Variants in NPAS2 observed in about 807,000 individuals in gnomAD.
NPAS2 encodes the protein neuronal PAS domain-containing protein 2.
Under a neutral mutation model 107.5 loss-of-function variants are expected in NPAS2, and 23 were observed. The ratio of observed to expected loss-of-function variants is 0.21; its 90% CI spans 0.15 to 0.30. The LOEUF is 0.30. NPAS2 is among the 10% of genes least tolerant of loss of function. The pLI is 1.00. For synonymous variants in NPAS2, 403 were observed against 417.5 expected, an observed-to-expected ratio of 0.97 and a Z score of 0.42; for missense variants, 756 against 1,043.3, an observed-to-expected ratio of 0.72 and a Z score of 3.79.
intron 5 of NPAS2, among the ~76,000 whole-genome samples, chr2:100,938,114 A>G (rs1050808493): frequency 6.6e-6 from 1 of 152,228 alleles, no homozygotes; most frequent in Admixed American, 6.5e-5. Flanking sequence ...TTTCTGGGTC[A>G]GAAATGGGGA....
chr2:100,957,884 C>T (rs1156853308), intron 7 of NPAS2, among the ~76,000 whole-genome samples: 2 of 152,078 alleles, frequency 1.3e-5, no homozygotes, highest in African/African-American at 2.4e-5. Flanking sequence ...GCTGAGATCG[C>T]GCCACTGCAC....
chr2:100,944,328 C>G (rs932762971), intron 5 of NPAS2, among the ~76,000 whole-genome samples: 3 of 152,184 alleles, frequency 2.0e-5, no homozygotes, highest in African/African-American at 7.2e-5. Flanking sequence ...CAGCCTACTT[C>G]CAGCTCAGCC....
At chr2:100,824,180 C>T (rs767247064) in intron 1 of NPAS2, among the ~76,000 whole-genome samples, 11 of 152,254 alleles carry the variant, frequency 7.2e-5, no homozygotes, top group Admixed American at 5.2e-4. Flanking sequence ...TGTAGTTCAC[C>T]AATTAGAGAT....
intron 1 of NPAS2, among the ~76,000 whole-genome samples, chr2:100,896,195 A>G (rs941893593): frequency 3.3e-5 from 5 of 152,156 alleles, no homozygotes; most frequent in African/African-American, 1.2e-4. Flanking sequence ...GGTGGGTGTT[A>G]GCTGCATTGT....
intron 15 of NPAS2, among the ~76,000 whole-genome samples, chr2:100,981,457 T>C (rs1677433436): frequency 6.6e-6 from 1 of 152,224 alleles, no homozygotes; most frequent in South Asian, 2.1e-4. Context: ...GAGCCTGTGT[T>C]GAGGGAGACG....
chr2:100,899,019 A>G (rs369874669), intron 1 of NPAS2, among the ~76,000 whole-genome samples: 26 of 152,260 alleles, frequency 1.7e-4, no homozygotes, highest in East Asian at 7.7e-4. Flanking sequence ...TGAGAAAAAC[A>G]TCAGACAAAC....
In NPAS2 at chr2:100,968,775, C is replaced by A. The variant is rs1354315705; in HGVS notation, c.1055+347C>A. Among the ~76,000 whole-genome samples, 4 of 152,236 alleles carry A rather than the reference C, an allele frequency of 2.6e-5. No homozygotes were observed. The highest frequency in any genetic ancestry group is 5.9e-5 in the Non-Finnish European group (4 of 68,048). On this transcript the variant is annotated intron_variant, in intron 11 of 20. Transcript: ENST00000335681. This position sits in a 1 kb window ranked among gnomAD's most constrained non-coding sequence, Gnocchi z 5.3. ...TTTCCCATCTCTATCCAGCCCACAG[C>A]CTTCCCTTGTTCCTGCTTTGAGTAG...
At chr2:100,931,267 G>C (rs961470968) in intron 3 of NPAS2, among the ~76,000 whole-genome samples, 1 of 152,040 alleles carries the variant, frequency 6.6e-6, no homozygotes, top group Admixed American at 6.6e-5. Flanking sequence ...CTTCTCCTGG[G>C]TTTCTTCCAG....
chr2:100,921,837 A>C (rs548307600), intron 2 of NPAS2, among the ~76,000 whole-genome samples: 31 of 151,266 alleles, frequency 2.0e-4, no homozygotes, highest in Middle Eastern at 3.4e-3. Context: ...TATTCACCCA[A>C]GAGAAATGAA....
intron 1 of NPAS2, among the ~76,000 whole-genome samples, chr2:100,895,064 A>G (rs752829174): frequency 2.0e-5 from 3 of 152,054 alleles, no homozygotes; most frequent in Non-Finnish European, 4.4e-5. Flanking sequence ...TAGCTAGTCC[A>G]GTATTCTAGA....
rs570952218 is a variant in NPAS2 at position 100,847,400 on chromosome 2, C to T, written c.-23+26986C>T. 6.6e-5 allele frequency among the ~76,000 whole-genome samples: 10 copies of T among 151,750 alleles called. 1 individual carries two copies. The highest frequency in any genetic ancestry group is 1.9e-4 in the East Asian group (1 of 5,152). ...TTTTTTTTTTTTTGAGACGGAGTCT[C>T]GCTCTTTCGCCCAGGCTGGAGTGCA... On this transcript the variant is annotated intron_variant, in intron 1 of 20. Coordinates refer to ENST00000335681, the MANE Select transcript of NPAS2 (RefSeq NM_002518.4).
At chr2:100,905,754 G>C (rs537641187) in intron 2 of NPAS2, among the ~76,000 whole-genome samples, 1 of 152,326 alleles carries the variant, frequency 6.6e-6, no homozygotes, top group African/African-American at 2.4e-5. Context: ...AGCCTGCAGA[G>C]CTAAAGGGTT....
At chr2:100,907,489 AACACACACACACACACACACAC>A (rs55951417) in intron 2 of NPAS2, among the ~76,000 whole-genome samples, 1 of 144,678 alleles carries the variant, frequency 6.9e-6, no homozygotes, top group African/African-American at 2.6e-5. Context: ...AACACTTGGG[AACACACACACACACACACACAC>A]ACACACACAC....
chr2:100,995,760 A>G lies in NPAS2; in HGVS notation c.*178A>G. On this transcript the variant is annotated 3_prime_UTR_variant, in exon 21 of 21. Transcript: ENST00000335681. The stretch of plus-strand genomic sequence containing the variant: ...TGCAGCGCTTGCTGCAGTGGAAATG[A>G]TCAGGAATACTGACCGTGTTTCTCT... 6.5e-7 allele frequency: 1 copy of G among 1,549,418 alleles called. No individual in the cohort carries two copies.
At chr2:100,904,429 G>A (rs1291850277) in intron 1 of NPAS2, among the ~76,000 whole-genome samples, 1 of 152,200 alleles carries the variant, frequency 6.6e-6, no homozygotes, top group Non-Finnish European at 1.5e-5. Context: ...CTTGTCTCAT[G>A]AGTGTACACG....
chr2:100,880,198 G>A (rs916604609), intron 1 of NPAS2, among the ~76,000 whole-genome samples: 1 of 152,198 alleles, frequency 6.6e-6, no homozygotes, highest in Non-Finnish European at 1.5e-5. Context: ...AGCCGCTGTG[G>A]AAAACAGTTT....
intron 1 of NPAS2, among the ~76,000 whole-genome samples, chr2:100,830,993 A>G (rs931645531): frequency 1.1e-4 from 17 of 152,136 alleles, no homozygotes; most frequent in Non-Finnish European, 4.4e-5. Context: ...TGGCTGCTAC[A>G]TTGACCTACC....
intron 1 of NPAS2, among the ~76,000 whole-genome samples, chr2:100,836,259 C>T (rs1022541436): frequency 3.3e-5 from 5 of 152,090 alleles, no homozygotes; most frequent in Non-Finnish European, 5.9e-5. Context: ...TTTGCCCTAG[C>T]GACCTCACTT....
At position 100,982,390 on chromosome 2, in the gene NPAS2, C is replaced by CCGGGCTGGCCT; in HGVS notation, c.1629+15_1629+25dup. The CCGGGCTGGCCT allele has an allele frequency of 1.2e-6, 2 of 1,612,936 alleles. No individual in the cohort carries two copies. Among genetic ancestry groups the CCGGGCTGGCCT allele is most frequent in the Non-Finnish European group, 1.7e-6 (2 of 1,179,856 alleles). On this transcript the variant is annotated intron_variant, in intron 16 of 20. Transcript: ENST00000335681. ...CTCCAACGTCCAGGTGATCCCCTTC[C>CCGGGCTGGCCT]CGGGCTGGCCTCTGTCCCTGCTGCT...
Sources: allele counts gnomAD v4.1 joint callset (sites outside exome capture counted in the v4.1 genomes callset), GRCh38; gene constraint gnomAD v4.1.1; non-coding constraint Gnocchi (gnomAD v3.1); transcripts MANE v1.5; gene names NCBI Gene and HGNC (gene_info 2026-07-23, HGNC 2026-07-21).